AUTS2: variants seen among roughly 807,000 people sequenced by gnomAD.
AUTS2 encodes the protein activator of transcription and developmental regulator AUTS2.
A neutral mutation model predicts 112.4 loss-of-function variants in AUTS2; 17 were observed. The observed-to-expected ratio is 0.15, with a 90% CI of 0.10 to 0.23. The LOEUF is 0.23. AUTS2 is among the 10% of genes least tolerant of loss of function. AUTS2 has a pLI of 1.00. For synonymous variants in AUTS2, 751 were observed against 702.7 expected, an observed-to-expected ratio of 1.07 and a Z score of -1.09; for missense variants, 1,510 against 1,701.6, an observed-to-expected ratio of 0.89 and a Z score of 1.98.
intron 4 of AUTS2, among the ~76,000 whole-genome samples, chr7:70,326,146 C>CT (rs1223089524): frequency 6.6e-6 from 1 of 152,116 alleles, no homozygotes; most frequent in Non-Finnish European, 1.5e-5. Flanking sequence ...TTCCAGGAGA[C>CT]TCCCCAGGGG....
intron 4 of AUTS2, among the ~76,000 whole-genome samples, chr7:70,245,537 A>T (rs142740391): frequency 5.0e-4 from 76 of 152,272 alleles, no homozygotes; most frequent in African/African-American, 1.8e-3. Context: ...TCTGCTGCTT[A>T]GTTGCTGAGA....
intron 5 of AUTS2, among the ~76,000 whole-genome samples, chr7:70,479,431 C>G (rs112099307): frequency 0.011 from 1,680 of 152,172 alleles, 10 homozygotes; most frequent in Admixed American, 0.02. Context: ...CACTTCTCCC[C>G]GAAATACACC....
intron 5 of AUTS2, among the ~76,000 whole-genome samples, chr7:70,628,030 G>C (rs994884151): frequency 2.6e-5 from 4 of 152,176 alleles, no homozygotes; most frequent in Non-Finnish European, 5.9e-5. Flanking sequence ...ATGGGCACAG[G>C]TATGGAGGTG....
In AUTS2 at chr7:70,521,328, C is replaced by G. The variant is rs889821725; in HGVS notation, c.690+85547C>G. The stretch of plus-strand genomic sequence containing the variant: ...TGCCAAGAGGAAGAAAAATTGAAAG[C>G]AGGAGTTGCATCTTGCCATGTGATG... On this transcript the variant is annotated intron_variant, in intron 5 of 18. Transcript: ENST00000342771. Among the ~76,000 whole-genome samples the G allele has an allele frequency of 5.9e-5, 9 of 152,294 alleles. No individual in the cohort carries two copies. In the East Asian group the frequency reaches 7.7e-4, roughly 13 times the overall value.
At chr7:70,663,238 T>C (rs1436650686) in intron 5 of AUTS2, among the ~76,000 whole-genome samples, 2 of 152,042 alleles carry the variant, frequency 1.3e-5, no homozygotes, top group Non-Finnish European at 2.9e-5. Flanking sequence ...CTACTAAAAA[T>C]ACAAAAATTA....
chr7:70,689,829 C>T (rs1808668131), intron 5 of AUTS2, among the ~76,000 whole-genome samples: 1 of 150,726 alleles, frequency 6.6e-6, no homozygotes, highest in African/African-American at 2.4e-5. Context: ...ATGGTACAAA[C>T]CACTGTACCC....
chr7:70,134,486 G>GT, intron 3 of AUTS2, 50 bp from the exon 4 acceptor site: 1 of 1,575,602 alleles, frequency 6.3e-7, no homozygotes. Flanking sequence ...ATTGGAACGT[G>GT]TTAAAAACCA....
chr7:70,226,398 G>A (rs1811767244), intron 4 of AUTS2, among the ~76,000 whole-genome samples: 1 of 150,580 alleles, frequency 6.6e-6, no homozygotes. Context: ...GTAGAGATGG[G>A]GTTTCACTGT....
chr7:70,707,734 G>T (rs749901177), intron 6 of AUTS2, among the ~76,000 whole-genome samples: 2 of 152,184 alleles, frequency 1.3e-5, no homozygotes, highest in South Asian at 4.2e-4. Context: ...TTACTGCAGC[G>T]CAGTGGGGCT....
chr7:69,713,504 A>G (rs1161311067), intron 1 of AUTS2, among the ~76,000 whole-genome samples: 1 of 143,206 alleles, frequency 7.0e-6, no homozygotes, highest in Non-Finnish European at 1.5e-5. Context: ...CTTCTTGCCC[A>G]GGCTGGAGTG....
chr7:70,055,563 G>T (rs1401284099), intron 2 of AUTS2, among the ~76,000 whole-genome samples: 1 of 152,188 alleles, frequency 6.6e-6, no homozygotes, highest in Non-Finnish European at 1.5e-5. Context: ...TAAGTCATAT[G>T]TTACCAACAT....
intron 2 of AUTS2, among the ~76,000 whole-genome samples, chr7:70,082,964 A>G (rs545685525): frequency 6.6e-6 from 1 of 152,292 alleles, no homozygotes; most frequent in South Asian, 2.1e-4. Context: ...TCATTAGTAA[A>G]CAAAGCAGGA....
chr7:70,366,727 T>G (rs1315852460), intron 4 of AUTS2, among the ~76,000 whole-genome samples: 1 of 152,056 alleles, frequency 6.6e-6, no homozygotes, highest in Admixed American at 6.6e-5. Flanking sequence ...TTAGAGGTGA[T>G]AGTGGATAGA....
At chr7:70,680,455 A>C (rs932628130) in intron 5 of AUTS2, among the ~76,000 whole-genome samples, 1 of 152,216 alleles carries the variant, frequency 6.6e-6, no homozygotes. Context: ...ATGGTCTACA[A>C]TAGCCCTGCA....
At chr7:70,204,938 C>T (rs1810492157) in intron 4 of AUTS2, among the ~76,000 whole-genome samples, 1 of 151,658 alleles carries the variant, frequency 6.6e-6, no homozygotes, top group Non-Finnish European at 1.5e-5. Context: ...TTATTTTGGT[C>T]TATAGGGAAA....
chr7:70,113,286 A>G (rs1364771598), intron 2 of AUTS2, among the ~76,000 whole-genome samples: 1 of 152,116 alleles, frequency 6.6e-6, no homozygotes, highest in Non-Finnish European at 1.5e-5. Flanking sequence ...ATTCATCAGC[A>G]TTTTTCATTA....
At chr7:70,270,712 AC>A (rs1787650203) in intron 4 of AUTS2, among the ~76,000 whole-genome samples, 1 of 152,044 alleles carries the variant, frequency 6.6e-6, no homozygotes, top group African/African-American at 2.4e-5. Flanking sequence ...AATGCTAACT[AC>A]CCCCTCCTGC....
At chr7:69,804,318 C>T (rs756369591) in intron 1 of AUTS2, among the ~76,000 whole-genome samples, 3 of 152,272 alleles carry the variant, frequency 2.0e-5, no homozygotes, top group South Asian at 2.1e-4. Flanking sequence ...AGTAGTGTTG[C>T]AGGTATCCCC....
intron 2 of AUTS2, among the ~76,000 whole-genome samples, chr7:70,030,777 C>T (rs10278939): frequency 8.5e-5 from 13 of 152,222 alleles, no homozygotes; most frequent in African/African-American, 2.9e-4. Context: ...CTTGGTCTCA[C>T]TTTAGAATAT....
Sources: allele counts gnomAD v4.1 joint callset (sites outside exome capture counted in the v4.1 genomes callset), GRCh38; gene constraint gnomAD v4.1.1; transcripts MANE v1.5; gene names NCBI Gene and HGNC (gene_info 2026-07-23, HGNC 2026-07-21).